The following PEX5 variants were observed in gnomAD, a reference collection of about 807,000 sequenced individuals.
PEX5 encodes PTS1 receptor.
Under a neutral mutation model 82.9 loss-of-function variants are expected in PEX5, and 52 were observed. The ratio of observed to expected loss-of-function variants is 0.63; its 90% CI spans 0.50 to 0.79. The LOEUF (loss-of-function observed/expected upper bound fraction) is 0.79, where lower values mean the gene tolerates loss of function less well. PEX5 is among the 30% of genes least tolerant of loss of function. The pLI is 0.00. For missense variants in PEX5, 719 were observed against 815.2 expected (o/e 0.88, Z 1.44); for synonymous variants, 300 against 318.8 (o/e 0.94, Z 0.63).
Position 7,209,711 on chromosome 12 carries a change from C to G in PEX5, c.1589C>G (p.Ala530Gly). 1 of 1,614,168 alleles carries G rather than the reference C, an allele frequency of 6.2e-7. No homozygotes were observed. Among genetic ancestry groups the G allele is most frequent in the Non-Finnish European group, 8.5e-7 (1 of 1,180,030 alleles). Residue 530 changes from alanine to glycine, a missense_variant, in exon 15 of 16, where the codon GCC becomes GGC. By Grantham distance (60) the Ala-to-Gly change is moderately conservative. Transcript: ENST00000675855. Reference protein sequence around the residue: ...NDYLLWNKLGATLANGNQSEE... With the variant: ...NDYLLWNKLGGTLANGNQSEE... ...TATTTGCTGTGGAATAAGCTAGGCG[C>G]CACCCTGGCCAATGGAAACCAGAGT...
At chr12:7,209,932 G>C in intron 15 of PEX5, 90 bp from the exon 16 acceptor site, 1 of 1,594,554 alleles carries the variant, frequency 6.3e-7, no homozygotes, top group Non-Finnish European at 8.6e-7. Flanking sequence ...TGACTAACCA[G>C]CCCTAGCTTT....
intron 15 of PEX5, 74 bp downstream of exon 15, chr12:7,209,914 A>G (rs931586707): frequency 6.2e-7 from 1 of 1,601,594 alleles, no homozygotes; most frequent in Non-Finnish European, 8.5e-7. Flanking sequence ...TTATTCTTAG[A>G]TCCTGTTTGA....
At chr12:7,196,255 TA>T (rs767219286) in intron 5 of PEX5, among the ~76,000 whole-genome samples, 3 of 18,596 alleles carry the variant, frequency 1.6e-4, no homozygotes, top group African/African-American at 3.7e-4. Context: ...CATATTTAAT[TA>T]TATATGTCAT....
In PEX5 at chr12:7,209,883, C is replaced by T. The variant is rs146526563; in HGVS notation, c.1718+43C>T. 1,635 of 1,611,538 alleles carry T rather than the reference C, an allele frequency of 1.0e-3. 42 individuals are homozygous for T. The East Asian group carries it at 0.03, about 29-fold the overall frequency. On this transcript the variant is annotated intron_variant, in intron 15 of 15. Transcript: ENST00000675855. The stretch of plus-strand genomic sequence containing the variant: ...GAAATGAATGAATGAGCTTTTTCTC[C>T]CTGCCTTTGGCCCTAGCTCCTTATT...
Position 7,210,405 on chromosome 12 carries a change from A to C in PEX5, c.*182A>C, listed in dbSNP as rs750112257. 37 of 656,660 alleles carry C rather than the reference A, an allele frequency of 5.6e-5. 1 individual carries two copies. The African/African-American group carries it at 6.4e-4, about 11-fold the overall frequency. 40.7% of individuals were successfully genotyped at this position (656,660 alleles called of 1,614,324 possible). A position where few individuals can be genotyped will look rare whatever the true frequency, so the allele number is the denominator to read the frequency against. ...GTTCTAGTTCCTACATAATTGTAGG[A>C]AAATGAGCTGTGTCATCTCTGAGTC... On this transcript the variant is annotated 3_prime_UTR_variant, in exon 16 of 16. Transcript: ENST00000675855.
chr12:7,211,990 T>C (rs4420353), downstream of PEX5, among the ~76,000 whole-genome samples: 108,171 of 148,738 alleles, frequency 0.73, 40,243 homozygotes, highest in South Asian at 0.83. Context: ...TTTAAGGCAG[T>C]GTTTCACTCT....
downstream of PEX5, among the ~76,000 whole-genome samples, chr12:7,211,768 G>A (rs1261232027): frequency 1.3e-5 from 2 of 152,114 alleles, no homozygotes; most frequent in Non-Finnish European, 2.9e-5. Context: ...TTACATGGAA[G>A]GATTTTGATA....
chr12:7,199,581 T>A (rs1943369381), intron 6 of PEX5, among the ~76,000 whole-genome samples: 1 of 151,622 alleles, frequency 6.6e-6, no homozygotes, highest in East Asian at 1.9e-4. Context: ...CAGAACAAAA[T>A]GAAAAGTCTC....
chr12:7,197,111 TATA>T (rs1191502955), intron 5 of PEX5, among the ~76,000 whole-genome samples: 1 of 48,068 alleles, frequency 2.1e-5, no homozygotes, highest in African/African-American at 6.2e-5. Context: ...ATATATGTCA[TATA>T]ATGTAATAAT....
intron 5 of PEX5, among the ~76,000 whole-genome samples, chr12:7,195,941 AT>A (rs2135965645): frequency 6.7e-6 from 1 of 150,164 alleles, no homozygotes; most frequent in South Asian, 2.1e-4. Context: ...CAGAATCTGT[AT>A]TTAATTTTTG....
chr12:7,212,185 G>A (rs142391840), downstream of PEX5, among the ~76,000 whole-genome samples: 2,958 of 151,734 alleles, frequency 0.019, 90 homozygotes, highest in African/African-American at 0.067. Context: ...GGCTGGTCTC[G>A]AACGCCCGAC....
chr12:7,211,426 T>A lies in PEX5; in HGVS notation c.*1203T>A, dbSNP rs1945558990. The A allele has an allele frequency of 6.6e-6, 1 of 152,196 alleles. No homozygotes were observed. The highest frequency in any genetic ancestry group is 6.5e-5 in the Admixed American group (1 of 15,284). 9.4% of individuals were successfully genotyped at this position (152,196 alleles called of 1,614,324 possible). A position where few individuals can be genotyped will look rare whatever the true frequency, so the allele number is the denominator to read the frequency against. On this transcript the variant is annotated 3_prime_UTR_variant, in exon 16 of 16. Coordinates refer to ENST00000675855, the MANE Select transcript of PEX5 (RefSeq NM_001351132.2). ...TTTGTATGAATATGTGTAAATGATT[T>A]AAAAATAAAACTGTAAAATATTTGT...
At chr12:7,196,697 C>T (rs373904045) in intron 5 of PEX5, among the ~76,000 whole-genome samples, 1 of 3,070 alleles carries the variant, frequency 3.3e-4, no homozygotes, top group African/African-American at 5.5e-4. Flanking sequence ...ATATATGTCA[C>T]ATATAATGTA....
intron 8 of PEX5, 86 bp from the exon 9 acceptor site, chr12:7,202,526 G>T: frequency 3.6e-6 from 5 of 1,393,724 alleles, no homozygotes; most frequent in Non-Finnish European, 5.1e-6. Flanking sequence ...AAGTACCCAG[G>T]TTGGTGGTGG....
chr12:7,217,870 C>T (rs755607214), intron 17 of PEX5, among the ~76,000 whole-genome samples: 7 of 152,308 alleles, frequency 4.6e-5, no homozygotes, highest in East Asian at 1.9e-4. Context: ...CTGAGTTGTA[C>T]GGGCTGCACT....
intron 5 of PEX5, among the ~76,000 whole-genome samples, chr12:7,194,219 C>G (rs1032334775): frequency 5.3e-5 from 8 of 151,828 alleles, no homozygotes; most frequent in Admixed American, 5.2e-4. Flanking sequence ...TTAAAATCTC[C>G]ACTGTTAAGA....
chr12:7,190,205 C>T, intron 1 of PEX5, 157 bp from the exon 2 acceptor site: 2 of 1,564,942 alleles, frequency 1.3e-6, no homozygotes, highest in Non-Finnish European at 1.7e-6. Flanking sequence ...CTCCCTCGAA[C>T]TCCTGGCAGA....
At chr12:7,197,298 T>A (rs1300694096) in intron 5 of PEX5, among the ~76,000 whole-genome samples, 2 of 137,366 alleles carry the variant, frequency 1.5e-5, no homozygotes, top group African/African-American at 5.5e-5. Context: ...ATTATATATG[T>A]CATATATAAT....
chr12:7,216,061 C>T (rs749797996), downstream of PEX5, among the ~76,000 whole-genome samples: 2 of 152,202 alleles, frequency 1.3e-5, no homozygotes, highest in Admixed American at 6.5e-5. Flanking sequence ...TCTGCCTCCC[C>T]GGTTCAAGCG....
Sources: allele counts gnomAD v4.1 joint callset (sites outside exome capture counted in the v4.1 genomes callset), GRCh38; gene constraint gnomAD v4.1.1; transcripts MANE v1.5; gene names NCBI Gene and HGNC (gene_info 2026-07-23, HGNC 2026-07-21).